CBX8: variants seen among roughly 807,000 people sequenced by gnomAD.
CBX8 encodes chromobox 8.
CBX8 carries 8 observed loss-of-function variants against 39.7 expected under a neutral mutation model. The observed-to-expected ratio is 0.20, with a 90% confidence interval of 0.12 to 0.36. The LOEUF is 0.36. CBX8 is among the 10% of genes least tolerant of loss of function. CBX8 has a pLI of 1.00. For missense variants in CBX8, 505 were observed against 529.6 expected, an observed-to-expected ratio of 0.95 and a Z score of 0.46; for synonymous variants, 268 against 219.8, an observed-to-expected ratio of 1.22 and a Z score of -1.94.
rs927208196 is a variant in CBX8, at chr17:79,794,768, G to A, written c.1037C>T (p.Pro346Leu). 1.3e-5 allele frequency: 21 copies of A among 1,612,858 alleles called. No individual in the cohort carries two copies. Among genetic ancestry groups the A allele is most frequent in the Middle Eastern group, 1.7e-4 (1 of 6,058 alleles). Residue 346 changes from proline to leucine, a missense_variant, in exon 5 of 5, where the codon CCG (proline) becomes CTG (leucine). Coordinates refer to ENST00000269385, the MANE Select transcript of CBX8 (RefSeq NM_020649.3). ...GGAGGGGCTCCAGGACTCTTCCTCC[G>A]GGTCCCCCAGGATTCTGGCCACAGG... Reference protein sequence around the residue: ...RIPVARILGDPEEESWSPSLT... With the variant: ...RIPVARILGDLEEESWSPSLT...
In CBX8 at chr17:79,795,020, C is replaced by A. The variant is rs766615887; in HGVS notation, c.785G>T (p.Gly262Val). ...CTCAGCTGAGCTAGGGCTGGTCACACCACACTGCACCAGGTCCGAGTCCTG... is the reference window on the plus strand; with the variant it reads ...CTCAGCTGAGCTAGGGCTGGTCACAACACACTGCACCAGGTCCGAGTCCTG... ...RRQDSDLVQC[G>V]VTSPSSAEAT... Residue 262 changes from glycine (G) to valine (V), a missense_variant, in exon 5 of 5, where the codon GGT becomes GTT. Gly to Val is a moderately radical substitution (Grantham distance 109). Around this residue, in one of 3 missense-constraint regions of CBX8, gnomAD observed 456 missense variants for 389.2 expected, o/e 1.17. Coordinates refer to ENST00000269385, the MANE Select transcript of CBX8 (RefSeq NM_020649.3). The surrounding 1 kb of genome is among the most constrained non-coding windows in gnomAD (Gnocchi z 5.8). 6.2e-7 allele frequency: 1 copy of A among 1,606,954 alleles called. No individual in the cohort carries two copies. Among genetic ancestry groups the A allele is most frequent in the South Asian group, 1.1e-5 (1 of 89,922 alleles).
Position 79,797,055 on chromosome 17 carries a change from C to G in CBX8, c.-57G>C. On this transcript the variant is annotated 5_prime_UTR_variant, in exon 1 of 5. Transcript: ENST00000269385. Reference sequence around the variant, plus strand: ...CCAGGAGCAGAAAAGCAGCAGCCAGCGCACGACAGACCATAATACTCTCCC... The same window carrying G: ...CCAGGAGCAGAAAAGCAGCAGCCAGGGCACGACAGACCATAATACTCTCCC... The G allele has an allele frequency of 6.5e-7, 1 of 1,538,424 alleles. No homozygotes were observed. Among genetic ancestry groups the G allele is most frequent in the Non-Finnish European group, 8.9e-7 (1 of 1,129,678 alleles).
Position 79,795,327 on chromosome 17 carries a change from G to GGT in CBX8, c.477_478insAC (p.Arg160ThrfsTer57), listed in dbSNP as rs1908037508. ...CGCTCCCTCTCCCTTTCTCGATCCC[G>GGT]CTCCCGGTCCCTATCCCGGTCTCGG... is the stretch of plus-strand genomic sequence containing the variant. On this transcript the variant is annotated frameshift_variant, in exon 5 of 5. Transcript: ENST00000269385. LOFTEE classifies it high-confidence loss of function. The surrounding 1 kb of genome is among the most constrained non-coding windows in gnomAD (Gnocchi z 5.8). The GGT allele has an allele frequency of 6.3e-7, 1 of 1,581,758 alleles. No individual in the cohort carries two copies. Among genetic ancestry groups the GGT allele is most frequent in the Non-Finnish European group, 8.6e-7 (1 of 1,162,660 alleles).
chr17:79,796,642 C>A, intron 1 of CBX8, 102 bp from the exon 2 acceptor site: 3 of 1,391,770 alleles, frequency 2.2e-6, no homozygotes, highest in South Asian at 1.2e-5. Context: ...ATGCTCGAAA[C>A]CCCGCCGCAA....
rs1051315143 is a variant in CBX8, at chr17:79,797,021, T to C, written c.-23A>G. On this transcript the variant is annotated 5_prime_UTR_variant, in exon 1 of 5. Transcript: ENST00000269385. ...CATGTTGACTCGCCGCTTCCCCCCT[T>C]GGCCGCTTCCAGGAGCAGAAAAGCA... is the stretch of plus-strand genomic sequence containing the variant. 4.4e-6 allele frequency: 7 copies of C among 1,602,604 alleles called. No homozygotes were observed. Among genetic ancestry groups the C allele is most frequent in the South Asian group, 1.1e-5 (1 of 89,158 alleles).
At chr17:79,796,198 A>G in intron 3 of CBX8, 52 bp downstream of exon 3, 1 of 1,613,384 alleles carries the variant, frequency 6.2e-7, no homozygotes, top group East Asian at 2.2e-5. Flanking sequence ...GCTGGAAAGA[A>G]GCCACTCTAC....
chr17:79,795,332 C>A lies in CBX8; in HGVS notation c.473G>T (p.Arg158Leu), dbSNP rs748996167. ...RDRDRDRDRD[R>L]ERDRERERER... ...CCTCTCCCTTTCTCGATCCCGCTCC[C>A]GGTCCCTATCCCGGTCTCGGTCCCG... The change falls in exon 5 of 5, where the codon CGG becomes CTG. Residue 158 changes from arginine (R) to leucine (L), a missense_variant. Arg to Leu is a moderately radical substitution (Grantham distance 102). Around this residue, in one of 3 missense-constraint regions of CBX8, gnomAD observed 456 missense variants for 389.2 expected, o/e 1.17. Coordinates refer to ENST00000269385, the MANE Select transcript of CBX8 (RefSeq NM_020649.3). The surrounding 1 kb of genome is among the most constrained non-coding windows in gnomAD (Gnocchi z 5.8). 1.9e-6 allele frequency: 3 copies of A among 1,583,446 alleles called. No homozygotes were observed. The highest frequency in any genetic ancestry group is 2.3e-5 in the South Asian group (2 of 87,494).
In CBX8 at chr17:79,795,963, G is replaced by A. The variant is rs1598235948; in HGVS notation, c.246+94C>T. ...CTCCTACATTACAAATAGGCAACAT[G>A]TGTGGACACCCCATTGGCTCACAGC... On this transcript the variant is annotated intron_variant, in intron 4 of 4. Transcript: ENST00000269385. This position sits in a 1 kb window ranked among gnomAD's most constrained non-coding sequence, Gnocchi z 5.8. 1 of 1,103,386 alleles carries A rather than the reference G, an allele frequency of 9.1e-7. No individual in the cohort carries two copies. Among genetic ancestry groups the A allele is most frequent in the Non-Finnish European group, 1.4e-6 (1 of 730,590 alleles). 68.3% of individuals were successfully genotyped at this position (1,103,386 alleles called of 1,614,324 possible).
In CBX8 at chr17:79,795,216, T is replaced by TCGAGCTGTCCCC; in HGVS notation, c.577_588dup (p.Gly193_Ser196dup). 1.2e-6 allele frequency: 2 copies of TCGAGCTGTCCCC among 1,613,364 alleles called. No individual in the cohort carries two copies. The highest frequency in any genetic ancestry group is 1.7e-6 in the Non-Finnish European group (2 of 1,179,816). On this transcript the variant is annotated inframe_insertion, in exon 5 of 5. Transcript: ENST00000269385. This position sits in a 1 kb window ranked among gnomAD's most constrained non-coding sequence, Gnocchi z 5.8. The stretch of plus-strand genomic sequence containing the variant: ...TTCCGGGGCTTGGGGCCTCGCTTCT[T>TCGAGCTGTCCCC]CGAGCTGTCCCCCGGTGAGCTGGGC...
At chr17:79,796,635 C>CATT in intron 1 of CBX8, 95 bp from the exon 2 acceptor site, 1 of 1,404,920 alleles carries the variant, frequency 7.1e-7, no homozygotes, top group Non-Finnish European at 1.0e-6. Flanking sequence ...CAGATGAATG[C>CATT]TCGAAACCCC....
Position 79,793,904 on chromosome 17 carries a change from C to T in CBX8, c.*731G>A, listed in dbSNP as rs1022629175. ...CGATCTGCGTGTACCACACACACAC[C>T]CCTCCCTAAAGTGCATTTCCTGGTG... On this transcript the variant is annotated 3_prime_UTR_variant, in exon 5 of 5. Transcript: ENST00000269385. The T allele has an allele frequency of 6.6e-6, 1 of 152,224 alleles. No homozygotes were observed. Among genetic ancestry groups the T allele is most frequent in the South Asian group, 2.1e-4 (1 of 4,822 alleles). The allele number at this position is 152,224 out of a possible 1,614,324, so 9.4% of individuals were successfully genotyped here. A position where few individuals can be genotyped will look rare whatever the true frequency, so the allele number is the denominator to read the frequency against.
At position 79,792,598 on chromosome 17, in the gene CBX8, T is replaced by G. The variant is rs1039450322; in HGVS notation, c.*2037A>C. Reference sequence around the variant, plus strand: ...CTAGGTAACAGACATGCCCCTTCAGTGAAGTTTCATCTGAAAATAGCATCG... The same window carrying G: ...CTAGGTAACAGACATGCCCCTTCAGGGAAGTTTCATCTGAAAATAGCATCG... On this transcript the variant is annotated 3_prime_UTR_variant, in exon 5 of 5. Transcript: ENST00000269385. 2.0e-5 allele frequency: 3 copies of G among 152,188 alleles called. No individual in the cohort carries two copies. Among genetic ancestry groups the G allele is most frequent in the African/African-American group, 7.2e-5 (3 of 41,428 alleles). 9.4% of individuals were successfully genotyped at this position (152,188 alleles called of 1,614,324 possible).
rs747549514 is a variant in CBX8, at chr17:79,796,920, G to T, written c.69+10C>A. 2 of 1,602,402 alleles carry T rather than the reference G, an allele frequency of 1.2e-6. No individual in the cohort carries two copies. The highest frequency in any genetic ancestry group is 2.2e-5 in the South Asian group (2 of 89,542). On this transcript the variant is annotated intron_variant, in intron 1 of 4. Coordinates refer to ENST00000269385, the MANE Select transcript of CBX8 (RefSeq NM_020649.3). ...GGCCGCACGGAGGCCCTAGGCCCGGGGGCACCTACTTTCCGTATGCGCCGC... is the reference window on the plus strand; with the variant it reads ...GGCCGCACGGAGGCCCTAGGCCCGGTGGCACCTACTTTCCGTATGCGCCGC...
chr17:79,794,783 C>T lies in CBX8; in HGVS notation c.1022G>A (p.Arg341Lys). Residue 341 changes from arginine to lysine, a missense_variant, in exon 5 of 5, where the codon AGA becomes AAA. Transcript: ENST00000269385. ...PSLIARIPVA[R>K]ILGDPEEESW... ...CTCTTCCTCCGGGTCCCCCAGGATT[C>T]TGGCCACAGGGATCCTGGCGATGAG... The T allele has an allele frequency of 6.2e-7, 1 of 1,613,498 alleles. No individual in the cohort carries two copies. Among genetic ancestry groups the T allele is most frequent in the Non-Finnish European group, 8.5e-7 (1 of 1,179,596 alleles).
At position 79,797,044 on chromosome 17, in the gene CBX8, G is replaced by A. The variant is rs776917060; in HGVS notation, c.-46C>T. The A allele has an allele frequency of 2.5e-6, 4 of 1,572,112 alleles. No homozygotes were observed. The highest frequency in any genetic ancestry group is 1.1e-5 in the South Asian group (1 of 87,218). On this transcript the variant is annotated 5_prime_UTR_variant, in exon 1 of 5. Coordinates refer to ENST00000269385, the MANE Select transcript of CBX8 (RefSeq NM_020649.3). ...CTTGGCCGCTTCCAGGAGCAGAAAAGCAGCAGCCAGCGCACGACAGACCAT... is the reference window on the plus strand; with the variant it reads ...CTTGGCCGCTTCCAGGAGCAGAAAAACAGCAGCCAGCGCACGACAGACCAT...
In CBX8 at chr17:79,794,859, A is replaced by G. The variant is rs1393978443; in HGVS notation, c.946T>C (p.Ser316Pro). The G allele has an allele frequency of 1.9e-6, 3 of 1,609,818 alleles. No homozygotes were observed. The highest frequency in any genetic ancestry group is 2.5e-6 in the Non-Finnish European group (3 of 1,177,990). ...ATGTCCCGGTACAGGCCCCCCCCAG[A>G]GCTGGGGGGGCCTGAGCCATGTCGG... Reference protein sequence around the residue: ...RVRHGSGPPSSGGGLYRDMGA... With the variant: ...RVRHGSGPPSPGGGLYRDMGA... Residue 316 changes from serine to proline, a missense_variant, in exon 5 of 5, where the codon TCT (serine) becomes CCT (proline). Ser to Pro is a moderately conservative substitution (Grantham distance 74, BLOSUM62 -1). Transcript: ENST00000269385.
In CBX8 at chr17:79,792,544, T is replaced by C. The variant is rs1354239084; in HGVS notation, c.*2091A>G. ...GAGAGAAGGGAAGGCGGCGGCCAGG[T>C]GAAGACGCGTATCCCCCAGTCCCGT... On this transcript the variant is annotated 3_prime_UTR_variant, in exon 5 of 5. Coordinates refer to ENST00000269385, the MANE Select transcript of CBX8 (RefSeq NM_020649.3). 1 of 152,290 alleles carries C rather than the reference T, an allele frequency of 6.6e-6. No individual in the cohort carries two copies. Among genetic ancestry groups the C allele is most frequent in the Non-Finnish European group, 1.5e-5 (1 of 68,100 alleles). The allele number at this position is 152,290 out of a possible 1,614,324, so 9.4% of individuals were successfully genotyped here.
At position 79,794,850 on chromosome 17, in the gene CBX8, C is replaced by T. The variant is rs752347994; in HGVS notation, c.955G>A (p.Gly319Ser). ...HGSGPPSSGG[G>S]LYRDMGAQGG... ...TGGGCCCCCATGTCCCGGTACAGGC[C>T]CCCCCCAGAGCTGGGGGGGCCTGAG... Residue 319 changes from glycine to serine, a missense_variant, in exon 5 of 5, where the codon GGC becomes AGC. By Grantham distance (56) the Gly-to-Ser change is moderately conservative. Coordinates refer to ENST00000269385, the MANE Select transcript of CBX8 (RefSeq NM_020649.3). 2 of 1,608,952 alleles carry T rather than the reference C, an allele frequency of 1.2e-6. No homozygotes were observed. The highest frequency in any genetic ancestry group is 1.1e-5 in the South Asian group (1 of 90,718).
At position 79,795,230 on chromosome 17, in the gene CBX8, G is replaced by A. The variant is rs780825833; in HGVS notation, c.575C>T (p.Pro192Leu). 2.2e-5 allele frequency: 35 copies of A among 1,612,642 alleles called. No individual in the cohort carries two copies. Among genetic ancestry groups the A allele is most frequent in the East Asian group, 1.8e-4 (8 of 44,828 alleles). The change falls in exon 5 of 5, where the codon CCG becomes CTG. Residue 192 changes from proline (P) to leucine (L), a missense_variant. Pro to Leu is a moderately conservative substitution (Grantham distance 98). This residue lies in a region of CBX8 where 456 missense variants were observed against 389.2 expected (regional missense o/e 1.17). Transcript: ENST00000269385. The surrounding 1 kb of genome is among the most constrained non-coding windows in gnomAD (Gnocchi z 5.8). Reference sequence around the variant, plus strand: ...GCCTCGCTTCTTCGAGCTGTCCCCCGGTGAGCTGGGCTTGTCATCCACTCT... The same window carrying A: ...GCCTCGCTTCTTCGAGCTGTCCCCCAGTGAGCTGGGCTTGTCATCCACTCT... Reference protein sequence around the residue: ...TSRVDDKPSSPGDSSKKRGPK... With the variant: ...TSRVDDKPSSLGDSSKKRGPK...
Sources: allele counts gnomAD v4.1 joint callset, GRCh38; gene constraint gnomAD v4.1.1; regional missense constraint gnomAD v4.1.1; non-coding constraint Gnocchi (gnomAD v3.1); transcripts MANE v1.5; gene names NCBI Gene and HGNC (gene_info 2026-07-23, HGNC 2026-07-21).